NEDD9: variants seen among roughly 807,000 people sequenced by gnomAD.
NEDD9 encodes the protein enhancer of filamentation 1.
Under a neutral mutation model 76.6 loss-of-function variants are expected in NEDD9, and 26 were observed. That is an observed-to-expected ratio of 0.34 (90% CI 0.25 to 0.47). NEDD9 has a LOEUF of 0.47. Among genes scored for constraint, NEDD9 ranks in the 20% least tolerant of loss-of-function variants. The probability of loss-of-function intolerance (pLI) is 1.00; values close to 1 mark genes in which losing one functional copy is unlikely to be tolerated. For missense variants in NEDD9, 937 were observed against 1,058.5 expected (o/e 0.89, Z 1.59); for synonymous variants, 392 against 414.2 (o/e 0.95, Z 0.65).
At chr6:11,223,640 C>T (rs1439421548) in intron 1 of NEDD9, among the ~76,000 whole-genome samples, 1 of 152,184 alleles carries the variant, frequency 6.6e-6, no homozygotes, top group Non-Finnish European at 1.5e-5. Flanking sequence ...ATAAGGGAGG[C>T]AGGAGGCTTG....
intron 1 of NEDD9, among the ~76,000 whole-genome samples, chr6:11,367,270 C>T (rs993308627): frequency 6.6e-6 from 1 of 152,210 alleles, no homozygotes; most frequent in African/African-American, 2.4e-5. Flanking sequence ...GATTTAGTTT[C>T]TGGGATTAAG....
chr6:11,379,675 A>C (rs892313247), intron 1 of NEDD9, among the ~76,000 whole-genome samples: 1 of 152,196 alleles, frequency 6.6e-6, no homozygotes, highest in African/African-American at 2.4e-5. Context: ...TTAAAAAAAA[A>C]ACAGGCCGTT....
At chr6:11,245,028 A>C (rs971912068) in intron 3 of NEDD9, among the ~76,000 whole-genome samples, 1 of 152,244 alleles carries the variant, frequency 6.6e-6, no homozygotes. Flanking sequence ...GGCAAAGACT[A>C]TACCTTATTC....
At chr6:11,260,583 C>T (rs1760088721) in intron 3 of NEDD9, among the ~76,000 whole-genome samples, 2 of 152,184 alleles carry the variant, frequency 1.3e-5, no homozygotes, top group African/African-American at 4.8e-5. Flanking sequence ...GTGATGACTT[C>T]TCATCCCACC....
At chr6:11,236,858 G>A (rs1484523261), upstream of NEDD9, among the ~76,000 whole-genome samples, 11 of 152,022 alleles carry the variant, frequency 7.2e-5, no homozygotes, top group Non-Finnish European at 1.3e-4. The surrounding 1 kb of genome is among the most constrained non-coding windows in gnomAD (Gnocchi z 5.5). Context: ...AGCAAAATCT[G>A]GACACTTTGG....
chr6:11,221,879 TA>T (rs1759155351), intron 1 of NEDD9, among the ~76,000 whole-genome samples: 1 of 152,034 alleles, frequency 6.6e-6, no homozygotes, highest in Non-Finnish European at 1.5e-5. Context: ...TTATTAACAA[TA>T]AAACAACCAT....
chr6:11,319,070 A>G (rs1354071283), intron 2 of NEDD9, among the ~76,000 whole-genome samples: 1 of 152,280 alleles, frequency 6.6e-6, no homozygotes, highest in African/African-American at 2.4e-5. Context: ...TTATAATATT[A>G]AAGTGACAAA....
chr6:11,199,655 T>G (rs1250618260), intron 2 of NEDD9: 5 of 100,294 alleles, frequency 5.0e-5, no homozygotes, highest in African/African-American at 1.6e-4. Flanking sequence ...TTTTTTTTTT[T>G]TTTTTTTTTT....
intron 1 of NEDD9, among the ~76,000 whole-genome samples, chr6:11,379,304 T>C (rs554240143): frequency 9.8e-4 from 149 of 152,286 alleles, no homozygotes; most frequent in Non-Finnish European, 1.8e-3. Flanking sequence ...AACTCACTTT[T>C]GGGCCGGGCG....
At chr6:11,361,910 A>G (rs1482471398) in intron 1 of NEDD9, among the ~76,000 whole-genome samples, 1 of 152,184 alleles carries the variant, frequency 6.6e-6, no homozygotes. Flanking sequence ...ATATGGAGAA[A>G]AAGAAGAAAT....
At chr6:11,356,752 C>G (rs1762584592) in intron 1 of NEDD9, among the ~76,000 whole-genome samples, 1 of 150,292 alleles carries the variant, frequency 6.7e-6, no homozygotes, top group African/African-American at 2.5e-5. Flanking sequence ...TCCCCTCCCC[C>G]TGGTATAGCA....
intron 2 of NEDD9, among the ~76,000 whole-genome samples, chr6:11,326,846 T>A (rs76861928): frequency 6.6e-6 from 1 of 152,210 alleles, no homozygotes; most frequent in Non-Finnish European, 1.5e-5. Flanking sequence ...GGAGCTGTCA[T>A]TTATAGTCGC....
At position 11,241,239 on chromosome 6, in the gene NEDD9, C is replaced by T. The variant is rs1759702297; in HGVS notation, c.13-27512G>A. On this transcript the variant is annotated intron_variant, in intron 3 of 3. Transcript: ENST00000397378. The surrounding 1 kb of genome is among the most constrained non-coding windows in gnomAD (Gnocchi z 4.0). ...ATACTACCTATTAAATGAAGGGGAG[C>T]AAAGGCATCAGGTCTTCTTCTTGCT... 1.3e-5 allele frequency among the ~76,000 whole-genome samples: 2 copies of T among 152,176 alleles called. No individual in the cohort carries two copies.
chr6:11,280,818 C>T (rs1417073486), intron 3 of NEDD9, among the ~76,000 whole-genome samples: 4 of 152,354 alleles, frequency 2.6e-5, no homozygotes, highest in East Asian at 1.9e-4. Context: ...TGGTGTTTGC[C>T]AAGCCCTGGC....
intron 1 of NEDD9, among the ~76,000 whole-genome samples, chr6:11,230,180 A>G (rs1237360326): frequency 6.6e-6 from 1 of 152,248 alleles, no homozygotes; most frequent in African/African-American, 2.4e-5. Flanking sequence ...TAGAGTTACT[A>G]TCTTAAAAAG....
At chr6:11,291,678 A>G (rs1286106489) in intron 3 of NEDD9, among the ~76,000 whole-genome samples, 11 of 152,206 alleles carry the variant, frequency 7.2e-5, no homozygotes, top group Non-Finnish European at 1.6e-4. Flanking sequence ...TGAAAACCCA[A>G]GTGGGCGTTG....
intron 2 of NEDD9, among the ~76,000 whole-genome samples, chr6:11,202,983 A>C (rs1758496852): frequency 6.6e-6 from 1 of 152,010 alleles, no homozygotes; most frequent in Non-Finnish European, 1.5e-5. Flanking sequence ...TGGGCAGCAA[A>C]CCCGCTCAAT....
At chr6:11,342,917 T>A (rs987645837) in intron 1 of NEDD9, among the ~76,000 whole-genome samples, 2 of 152,162 alleles carry the variant, frequency 1.3e-5, no homozygotes, top group African/African-American at 2.4e-5. Context: ...TAACCTATAA[T>A]GATGTAAATA....
At chr6:11,263,969 A>G (rs1760158941) in intron 3 of NEDD9, among the ~76,000 whole-genome samples, 1 of 152,190 alleles carries the variant, frequency 6.6e-6, no homozygotes, top group Non-Finnish European at 1.5e-5. Flanking sequence ...CTTATTAGCT[A>G]TCTGAACACG....
Sources: allele counts gnomAD v4.1 joint callset (sites outside exome capture counted in the v4.1 genomes callset), GRCh38; gene constraint gnomAD v4.1.1; non-coding constraint Gnocchi (gnomAD v3.1); transcripts MANE v1.5; gene names NCBI Gene and HGNC (gene_info 2026-07-23, HGNC 2026-07-21).